The following CAMK2D variants were observed in gnomAD, a reference collection of about 807,000 sequenced individuals.
The protein encoded by CAMK2D is calcium/calmodulin-dependent protein kinase type II subunit delta.
In CAMK2D, 37 loss-of-function variants were observed where a neutral mutation model predicts 84.0. The observed-to-expected ratio is 0.44, with a 90% CI of 0.34 to 0.58. The LOEUF is 0.58. Among genes scored for constraint, CAMK2D ranks in the 20% least tolerant of loss-of-function variants. The probability of loss-of-function intolerance (pLI) is 0.02; values close to 1 mark genes in which losing one functional copy is unlikely to be tolerated. For missense variants in CAMK2D, 448 were observed against 652.5 expected (o/e 0.69, Z 3.41); for synonymous variants, 202 against 212.5 (o/e 0.95, Z 0.43).
chr4:113,742,550 C>G (rs1190226609), intron 2 of CAMK2D, among the ~76,000 whole-genome samples: 1 of 149,578 alleles, frequency 6.7e-6, no homozygotes, highest in African/African-American at 2.4e-5. Flanking sequence ...ACACCTACCT[C>G]AATAACAATT....
At chr4:113,581,981 T>G (rs561490757) in intron 4 of CAMK2D, among the ~76,000 whole-genome samples, 12 of 152,296 alleles carry the variant, frequency 7.9e-5, no homozygotes, top group African/African-American at 2.6e-4. Flanking sequence ...GGCTCAATGA[T>G]TCTCTGTCTG....
intron 1 of CAMK2D, 113 bp from the exon 2 acceptor site, chr4:113,759,527 A>G: frequency 3.9e-6 from 2 of 514,290 alleles, no homozygotes; most frequent in Non-Finnish European, 3.3e-6. Context: ...GAAGTACAGT[A>G]ATATCCAGTA....
intron 8 of CAMK2D, among the ~76,000 whole-genome samples, chr4:113,523,650 T>C (rs1329700914): frequency 6.6e-6 from 1 of 152,006 alleles, no homozygotes; most frequent in Non-Finnish European, 1.5e-5. Context: ...TGTGCACCTG[T>C]AGTCCCCACT....
chr4:113,563,809 A>G (rs1018889460), intron 4 of CAMK2D, among the ~76,000 whole-genome samples: 1 of 152,228 alleles, frequency 6.6e-6, no homozygotes, highest in African/African-American at 2.4e-5. Context: ...AACAGTACAA[A>G]TAAACAACTT....
chr4:113,713,967 T>A (rs2099503881), intron 2 of CAMK2D, among the ~76,000 whole-genome samples: 1 of 151,978 alleles, frequency 6.6e-6, no homozygotes, highest in Non-Finnish European at 1.5e-5. Context: ...GCATCTGTTT[T>A]TTGTGAGTTT....
At chr4:113,535,618 T>G (rs555302930) in intron 7 of CAMK2D, among the ~76,000 whole-genome samples, 256 of 152,358 alleles carry the variant, frequency 1.7e-3, no homozygotes, top group Admixed American at 2.5e-3. Context: ...ACTTTAGCTT[T>G]ATCAAACTTC....
chr4:113,609,445 A>C (rs532840182), intron 3 of CAMK2D, among the ~76,000 whole-genome samples: 7 of 152,324 alleles, frequency 4.6e-5, no homozygotes, highest in African/African-American at 1.4e-4. Flanking sequence ...TTAACTTGTA[A>C]TGATATTAGT....
chr4:113,498,036 G>T (rs1260227439), intron 16 of CAMK2D, among the ~76,000 whole-genome samples: 1 of 152,184 alleles, frequency 6.6e-6, no homozygotes, highest in Non-Finnish European at 1.5e-5. Context: ...GTTTTGGTCA[G>T]ATTATTTAAC....
intron 2 of CAMK2D, among the ~76,000 whole-genome samples, chr4:113,678,320 C>G (rs1431988328): frequency 1.3e-5 from 2 of 152,130 alleles, no homozygotes; most frequent in African/African-American, 4.8e-5. Flanking sequence ...CATTAGTTTC[C>G]TCAGCTGTAA....
At chr4:113,510,460 T>C (rs550911593) in intron 12 of CAMK2D, among the ~76,000 whole-genome samples, 27 of 152,308 alleles carry the variant, frequency 1.8e-4, no homozygotes, top group Non-Finnish European at 3.2e-4. Flanking sequence ...AACTTCATTT[T>C]TTTTGGAAGG....
intron 3 of CAMK2D, among the ~76,000 whole-genome samples, chr4:113,623,353 G>A (rs2099054312): frequency 6.6e-6 from 1 of 151,690 alleles, no homozygotes; most frequent in African/African-American, 2.4e-5. Context: ...ACAGATTAAT[G>A]ATGATCAATG....
At chr4:113,667,174 TTA>T (rs1274100190) in intron 2 of CAMK2D, among the ~76,000 whole-genome samples, 1 of 152,242 alleles carries the variant, frequency 6.6e-6, no homozygotes, top group Non-Finnish European at 1.5e-5. Flanking sequence ...TTGCATCTGC[TTA>T]TTACATTTTT....
At chr4:113,698,140 A>C (rs1199137817) in intron 2 of CAMK2D, among the ~76,000 whole-genome samples, 1 of 152,136 alleles carries the variant, frequency 6.6e-6, no homozygotes, top group Admixed American at 6.6e-5. Context: ...CTATTTTATA[A>C]TAAAGTACTG....
chr4:113,673,691 A>G (rs1264105289), intron 2 of CAMK2D, among the ~76,000 whole-genome samples: 1 of 152,266 alleles, frequency 6.6e-6, no homozygotes, highest in Non-Finnish European at 1.5e-5. Context: ...CCCTAAGGGC[A>G]GCCAGTGAGT....
chr4:113,640,956 T>C (rs951111984), intron 3 of CAMK2D, among the ~76,000 whole-genome samples: 2 of 152,232 alleles, frequency 1.3e-5, no homozygotes, highest in African/African-American at 4.8e-5. Flanking sequence ...TTAAATGTGT[T>C]CAATGCTCTG....
At chr4:113,672,751 T>C (rs938805486) in intron 2 of CAMK2D, among the ~76,000 whole-genome samples, 1 of 151,984 alleles carries the variant, frequency 6.6e-6, no homozygotes, top group Non-Finnish European at 1.5e-5. Flanking sequence ...CATTTGTGAA[T>C]GCTTTCATTT....
At chr4:113,717,166 A>C (rs1437016298) in intron 2 of CAMK2D, among the ~76,000 whole-genome samples, 3 of 152,148 alleles carry the variant, frequency 2.0e-5, no homozygotes, top group Non-Finnish European at 2.9e-5. Context: ...ACAAATTAAG[A>C]GGGAAAGGCA....
In CAMK2D at chr4:113,543,596, G is replaced by T. The variant is rs533334608; in HGVS notation, c.414+4048C>A. On this transcript the variant is annotated intron_variant, in intron 6 of 20. Coordinates refer to ENST00000511664, the MANE Select transcript of CAMK2D (RefSeq NM_001321571.2). ...TGCACACAAGGTCTGTTCTTGTTTT[G>T]CTCAGTAATGTATGCTCACATTTAA... Among the ~76,000 whole-genome samples the T allele has an allele frequency of 1.2e-4, 18 of 151,986 alleles. No homozygotes were observed. In the South Asian group the frequency reaches 3.5e-3, roughly 30 times the overall value.
chr4:113,662,844 A>G (rs191762946), intron 2 of CAMK2D, among the ~76,000 whole-genome samples: 1 of 152,058 alleles, frequency 6.6e-6, no homozygotes, highest in Non-Finnish European at 1.5e-5. Context: ...AGTTTCTGGC[A>G]CTCCCTGGGT....
Sources: allele counts gnomAD v4.1 joint callset (sites outside exome capture counted in the v4.1 genomes callset), GRCh38; gene constraint gnomAD v4.1.1; transcripts MANE v1.5; gene names NCBI Gene and HGNC (gene_info 2026-07-23, HGNC 2026-07-21).